The following UROS variants were observed in gnomAD, a reference collection of about 807,000 sequenced individuals.
UROS encodes uroporphyrinogen III synthase, also known as uroporphyrinogen-III synthase.
A neutral mutation model predicts 33.0 loss-of-function variants in UROS; 18 were observed. That is an observed-to-expected ratio of 0.55 (90% confidence interval 0.38 to 0.81). The LOEUF is 0.81. Among genes scored for constraint, UROS ranks in the 30% least tolerant of loss-of-function variants. UROS has a pLI of 0.00. For missense variants in UROS, 293 were observed against 314.9 expected (o/e 0.93, Z 0.53); for synonymous variants, 114 against 121.1 (o/e 0.94, Z 0.38).
At chr10:125,803,119 C>T in intron 6 of UROS, 1 of 1,567,914 alleles carries the variant, frequency 6.4e-7, no homozygotes. Flanking sequence ...TGGAGTCAGC[C>T]AGTCCTAGGC....
intron 5 of UROS, among the ~76,000 whole-genome samples, chr10:125,809,177 T>G (rs1015956384): frequency 1.3e-5 from 2 of 152,082 alleles, no homozygotes; most frequent in Non-Finnish European, 2.9e-5. Context: ...TTCTGTGTTA[T>G]GAATTCCAAG....
downstream of UROS, chr10:125,785,574 G>A (rs1011755192): frequency 3.9e-5 from 6 of 152,170 alleles, no homozygotes; most frequent in Non-Finnish European, 8.8e-5. Context: ...CTATTCACAG[G>A]GAAGTTGTAT....
intron 6 of UROS, among the ~76,000 whole-genome samples, chr10:125,806,518 T>C (rs569903731): frequency 7.9e-5 from 12 of 152,336 alleles, no homozygotes; most frequent in African/African-American, 2.6e-4. Context: ...CCATTGTTTG[T>C]TTATTTCCTA....
intron 5 of UROS, among the ~76,000 whole-genome samples, chr10:125,809,739 C>T (rs1304476422): frequency 6.6e-6 from 1 of 151,718 alleles, no homozygotes; most frequent in Non-Finnish European, 1.5e-5. Context: ...AATTTATTTT[C>T]AAATAAATAG....
chr10:125,806,862 C>T (rs969602399), intron 6 of UROS, among the ~76,000 whole-genome samples: 1 of 152,120 alleles, frequency 6.6e-6, no homozygotes, highest in South Asian at 2.1e-4. Flanking sequence ...CCTCTTGCTC[C>T]AAGAATTTTT....
chr10:125,794,162 C>G (rs1034291819), intron 9 of UROS: 4 of 173,582 alleles, frequency 2.3e-5, no homozygotes, highest in Non-Finnish European at 4.6e-5. Context: ...GCTCTTCCTT[C>G]TCAGCAGTGT....
chr10:125,785,025 T>C (rs1206922894), downstream of UROS: 1 of 152,232 alleles, frequency 6.6e-6, no homozygotes, highest in East Asian at 1.9e-4. Context: ...CGGTTTATCT[T>C]GATGTTTACT....
chr10:125,820,011 T>C (rs1853730762), intron 1 of UROS, among the ~76,000 whole-genome samples: 1 of 152,244 alleles, frequency 6.6e-6, no homozygotes, highest in South Asian at 2.1e-4. Context: ...GGCACCTTAC[T>C]GGTAAGAAAG....
chr10:125,813,666 A>G (rs1457090786), intron 4 of UROS, among the ~76,000 whole-genome samples: 3 of 152,100 alleles, frequency 2.0e-5, no homozygotes, highest in South Asian at 4.1e-4. Flanking sequence ...TTTGGTAGAG[A>G]TGGGGTTTCA....
chr10:125,815,346 A>G (rs1441038183), intron 3 of UROS, among the ~76,000 whole-genome samples: 3 of 152,154 alleles, frequency 2.0e-5, no homozygotes, highest in Non-Finnish European at 2.9e-5. Flanking sequence ...TATTCCCAGT[A>G]TTTCCCTCAG....
intron 6 of UROS, chr10:125,802,143 C>T (rs1223320539): frequency 6.1e-6 from 6 of 985,300 alleles, no homozygotes; most frequent in Non-Finnish European, 7.2e-6. Context: ...TCTCTAGAAA[C>T]AACATTAGAA....
intron 4 of UROS, among the ~76,000 whole-genome samples, chr10:125,814,281 G>A (rs73379298): frequency 6.6e-6 from 1 of 152,132 alleles, no homozygotes; most frequent in African/African-American, 2.4e-5. Context: ...TCACTCCAAA[G>A]CCCTTGCATA....
chr10:125,818,300 T>C (rs183737775), intron 1 of UROS, among the ~76,000 whole-genome samples: 88 of 152,156 alleles, frequency 5.8e-4, no homozygotes, highest in Middle Eastern at 3.4e-3. Flanking sequence ...CTGGACAACA[T>C]AGCGAGACCC....
intron 1 of UROS, among the ~76,000 whole-genome samples, chr10:125,819,061 T>C (rs905215846): frequency 3.3e-5 from 5 of 152,178 alleles, no homozygotes; most frequent in African/African-American, 1.2e-4. Context: ...CTCAACTCAC[T>C]GCAACCTCCG....
intron 6 of UROS, 58 bp downstream of exon 6, chr10:125,807,355 G>A (rs761067538): frequency 1.4e-6 from 2 of 1,422,002 alleles, no homozygotes; most frequent in Non-Finnish European, 2.0e-6. Flanking sequence ...CCTAGGTAGT[G>A]GTTGTGAGGT....
chr10:125,803,533 C>T (rs1360455977), intron 6 of UROS, among the ~76,000 whole-genome samples: 2 of 152,208 alleles, frequency 1.3e-5, no homozygotes, highest in African/African-American at 4.8e-5. Flanking sequence ...CAGAGACACT[C>T]CTAAAAAGTC....
chr10:125,802,208 G>C (rs1384429433), intron 6 of UROS: 1 of 985,398 alleles, frequency 1.0e-6, no homozygotes, highest in Admixed American at 6.1e-5. Flanking sequence ...AGGAACCCCT[G>C]GAGCGAACCC....
intron 6 of UROS, among the ~76,000 whole-genome samples, chr10:125,806,194 C>T (rs928682040): frequency 2.6e-5 from 4 of 152,076 alleles, no homozygotes; most frequent in South Asian, 2.1e-4. Context: ...CAAGTTTGCA[C>T]GTCAAGAAAG....
At chr10:125,805,088 G>A (rs1467869268) in intron 6 of UROS, among the ~76,000 whole-genome samples, 1 of 152,202 alleles carries the variant, frequency 6.6e-6, no homozygotes, top group Admixed American at 6.5e-5. Flanking sequence ...AGCCATGTCC[G>A]AGCCGATGAA....
Sources: gnomAD v4.1 joint callset for allele counts (sites outside exome capture counted in the v4.1 genomes callset) on GRCh38, gnomAD v4.1.1 for gene constraint, MANE v1.5 for transcripts, NCBI Gene and HGNC (gene_info 2026-07-23, HGNC 2026-07-21) for gene names.